The following MYO1D variants were observed in gnomAD, a reference collection of about 807,000 sequenced individuals.
MYO1D encodes unconventional myosin-Id.
MYO1D carries 83 observed loss-of-function variants against 122.0 expected under a neutral mutation model. That is an observed-to-expected ratio of 0.68 (90% CI 0.57 to 0.82). The LOEUF (loss-of-function observed/expected upper bound fraction) is 0.82. Among genes scored for constraint, MYO1D ranks in the 40% least tolerant of loss-of-function variants. The probability of loss-of-function intolerance (pLI) is 0.00; values close to 1 mark genes in which losing one functional copy is unlikely to be tolerated. For synonymous variants in MYO1D, 464 were observed against 446.9 expected (o/e 1.04, Z -0.48); for missense variants, 1,157 against 1,269.5 (o/e 0.91, Z 1.35).
rs116300459 is a variant in MYO1D at position 32,765,248 on chromosome 17, G to T, written c.832-167C>A. ...TTCATCTACTTTTTCCCTTTCTCCG[G>T]ACACTCATCTATCTTTTTGCTTTCA... On this transcript the variant is annotated intron_variant, in intron 7 of 21. Coordinates refer to ENST00000318217, the MANE Select transcript of MYO1D (RefSeq NM_015194.3). Among the ~76,000 whole-genome samples the T allele has an allele frequency of 3.6e-3, 553 of 151,936 alleles. 3 individuals are homozygous for T. Among genetic ancestry groups the T allele is most frequent in the African/African-American group, 0.012 (516 of 41,426 alleles).
intron 21 of MYO1D, among the ~76,000 whole-genome samples, chr17:32,595,847 T>C (rs2087486530): frequency 6.6e-6 from 1 of 151,720 alleles, no homozygotes; most frequent in South Asian, 2.1e-4. Flanking sequence ...TGGGGAAAGA[T>C]TAGGGGGGTT....
intron 10 of MYO1D, among the ~76,000 whole-genome samples, chr17:32,759,242 C>T (rs2089976980): frequency 6.6e-6 from 1 of 151,906 alleles, no homozygotes; most frequent in Non-Finnish European, 1.5e-5. Flanking sequence ...AAAATTTATG[C>T]CAATATACCT....
At chr17:32,656,236 T>G (rs796886759) in intron 17 of MYO1D, among the ~76,000 whole-genome samples, 9 of 152,242 alleles carry the variant, frequency 5.9e-5, no homozygotes, top group African/African-American at 1.4e-4. Flanking sequence ...TAGAATGAGA[T>G]TTAACTAAAA....
chr17:32,757,761 CT>C (rs1286924367), intron 10 of MYO1D, among the ~76,000 whole-genome samples: 1 of 152,116 alleles, frequency 6.6e-6, no homozygotes, highest in East Asian at 1.9e-4. Context: ...AAGTTTAATA[CT>C]GCTTCAAACA....
intron 3 of MYO1D, among the ~76,000 whole-genome samples, chr17:32,776,344 C>T (rs1459400954): frequency 2.6e-5 from 4 of 152,058 alleles, no homozygotes; most frequent in Non-Finnish European, 5.9e-5. Flanking sequence ...ATTGCAGGAT[C>T]CTTGTGTGTG....
At chr17:32,764,690 C>A (rs1473142201) in intron 8 of MYO1D, among the ~76,000 whole-genome samples, 188 bp downstream of exon 8, 1 of 152,212 alleles carries the variant, frequency 6.6e-6, no homozygotes, top group Non-Finnish European at 1.5e-5. Context: ...CTTCTCAGAA[C>A]CTTTTTTGGC....
At chr17:32,623,498 G>T (rs918953722) in intron 20 of MYO1D, among the ~76,000 whole-genome samples, 3 of 152,142 alleles carry the variant, frequency 2.0e-5, no homozygotes, top group African/African-American at 7.2e-5. Flanking sequence ...TATAAGGAAT[G>T]AAAATCATCA....
At chr17:32,622,211 C>T (rs570106112) in intron 20 of MYO1D, among the ~76,000 whole-genome samples, 4 of 152,252 alleles carry the variant, frequency 2.6e-5, no homozygotes, top group East Asian at 1.9e-4. Flanking sequence ...CTGTTGTTCT[C>T]GCACATAAAC....
At chr17:32,807,018 A>C (rs1246233359) in intron 1 of MYO1D, among the ~76,000 whole-genome samples, 1 of 152,240 alleles carries the variant, frequency 6.6e-6, no homozygotes, top group Non-Finnish European at 1.5e-5. Flanking sequence ...TTATATACAC[A>C]CATAAATAGG....
chr17:32,822,417 C>T (rs1253780163), intron 1 of MYO1D, among the ~76,000 whole-genome samples: 6 of 151,478 alleles, frequency 4.0e-5, no homozygotes, highest in Admixed American at 3.9e-4. Context: ...CAGCGCCGTC[C>T]GTCCGTTCGT....
intron 16 of MYO1D, among the ~76,000 whole-genome samples, chr17:32,691,404 C>CTTT (rs57902806): frequency 3.1e-4 from 34 of 110,414 alleles, no homozygotes; most frequent in East Asian, 5.0e-4. Flanking sequence ...AAAGAAAATT[C>CTTT]TTTTTTTTTT....
chr17:32,582,916 T>A (rs1440133592), intron 21 of MYO1D, among the ~76,000 whole-genome samples: 1 of 152,228 alleles, frequency 6.6e-6, no homozygotes, highest in Admixed American at 6.5e-5. Context: ...TAATTGTTTT[T>A]TAAAAAGATT....
chr17:32,763,185 CAA>C (rs72030561), intron 8 of MYO1D, among the ~76,000 whole-genome samples: 10 of 134,046 alleles, frequency 7.5e-5, no homozygotes, highest in South Asian at 2.4e-4. Flanking sequence ...GACTCCATCT[CAA>C]AAAAAAAAAA....
At chr17:32,518,729 A>G (rs1388157176) in intron 21 of MYO1D, 1 of 152,254 alleles carries the variant, frequency 6.6e-6, no homozygotes, top group Non-Finnish European at 1.5e-5. Context: ...GCTCCAGGAC[A>G]AAGAGGGTTC....
intron 21 of MYO1D, among the ~76,000 whole-genome samples, chr17:32,584,978 A>G (rs752231684): frequency 5.9e-5 from 9 of 152,182 alleles, no homozygotes; most frequent in Non-Finnish European, 1.3e-4. Context: ...AGGTCTGTTA[A>G]TTCAAAGCAT....
At chr17:32,594,002 A>C (rs1597917157) in intron 21 of MYO1D, among the ~76,000 whole-genome samples, 1 of 152,190 alleles carries the variant, frequency 6.6e-6, no homozygotes, top group South Asian at 2.1e-4. Context: ...TGGTGTTCTT[A>C]CATAAAGGGG....
intron 3 of MYO1D, 118 bp from the exon 4 acceptor site, chr17:32,776,147 G>T: frequency 5.1e-6 from 4 of 791,046 alleles, no homozygotes; most frequent in African/African-American, 1.8e-5. Context: ...CTCCAGCACT[G>T]TTTGCAATAT....
At chr17:32,718,116 G>C (rs1196924348) in intron 15 of MYO1D, among the ~76,000 whole-genome samples, 1 of 151,886 alleles carries the variant, frequency 6.6e-6, no homozygotes, top group African/African-American at 2.4e-5. Flanking sequence ...AAAAAGTTTA[G>C]TTTTTAAAAA....
At chr17:32,668,594 C>T (rs549124039) in intron 16 of MYO1D, among the ~76,000 whole-genome samples, 3 of 151,780 alleles carry the variant, frequency 2.0e-5, no homozygotes, top group South Asian at 2.1e-4. Flanking sequence ...GAATGCTCCC[C>T]GAAAAAAGGG....
Sources: gnomAD v4.1 joint callset for allele counts (sites outside exome capture counted in the v4.1 genomes callset) on GRCh38, gnomAD v4.1.1 for gene constraint, MANE v1.5 for transcripts, NCBI Gene and HGNC (gene_info 2026-07-23, HGNC 2026-07-21) for gene names.